Variants in CMIP observed in about 807,000 individuals in gnomAD.
CMIP encodes the protein c-Maf inducing protein.
CMIP carries 13 observed loss-of-function variants against 97.3 expected under a neutral mutation model. That is an observed-to-expected ratio of 0.13 (90% CI 0.09 to 0.21). The LOEUF (loss-of-function observed/expected upper bound fraction) is 0.21. CMIP is among the 10% of genes least tolerant of loss of function. The probability of loss-of-function intolerance (pLI) is 1.00; values close to 1 mark genes in which losing one functional copy is unlikely to be tolerated. For missense variants in CMIP, 847 were observed against 1,024.9 expected, an observed-to-expected ratio of 0.83 and a Z score of 2.37; for synonymous variants, 538 against 436.3, an observed-to-expected ratio of 1.23 and a Z score of -2.91.
At chr16:81,669,040 C>T (rs1199198422) in intron 7 of CMIP, among the ~76,000 whole-genome samples, 2 of 148,312 alleles carry the variant, frequency 1.3e-5, no homozygotes, top group Non-Finnish European at 3.0e-5. Context: ...ACACCCACCA[C>T]ACTCTCCTCC....
In CMIP at chr16:81,621,461, G is replaced by C. The variant is rs1265427078; in HGVS notation, c.477+535G>C. On this transcript the variant is annotated intron_variant, in intron 3 of 20. Transcript: ENST00000537098. This position sits in a 1 kb window ranked among gnomAD's most constrained non-coding sequence, Gnocchi z 4.1. ...GGAACTTCATCTTCTTGGAGACCCA[G>C]GGGCAGATCTTCTAAGAGGGGTCCC... 1 of 153,950 alleles carries C rather than the reference G, an allele frequency of 6.5e-6. No individual in the cohort carries two copies. Among genetic ancestry groups the C allele is most frequent in the Non-Finnish European group, 1.4e-5 (1 of 69,006 alleles). 9.5% of individuals were successfully genotyped at this position (153,950 alleles called of 1,614,324 possible).
chr16:81,709,706 A>G, intron 20 of CMIP, 40 bp from the exon 21 acceptor site: 1 of 1,610,738 alleles, frequency 6.2e-7, no homozygotes, highest in Non-Finnish European at 8.5e-7. Context: ...CTGCAAGGGA[A>G]TGGCCTACAC....
At chr16:81,659,962 C>G (rs1313204479) in intron 5 of CMIP, among the ~76,000 whole-genome samples, 1 of 152,150 alleles carries the variant, frequency 6.6e-6, no homozygotes, top group African/African-American at 2.4e-5. Context: ...TCTTATTTGC[C>G]CTATTGGCAA....
intron 5 of CMIP, among the ~76,000 whole-genome samples, chr16:81,659,874 A>G (rs1461124781): frequency 6.6e-6 from 1 of 152,174 alleles, no homozygotes; most frequent in Non-Finnish European, 1.5e-5. Context: ...CTCCCCTTCC[A>G]GCATTCTTTT....
chr16:81,576,394 ACT>A (rs1471033888), intron 1 of CMIP, among the ~76,000 whole-genome samples: 1 of 152,004 alleles, frequency 6.6e-6, no homozygotes, highest in African/African-American at 2.4e-5. Context: ...ACAGAGCAAG[ACT>A]CTGTCTCAAA....
chr16:81,705,203 G>T (rs773271600), intron 18 of CMIP, among the ~76,000 whole-genome samples: 4 of 152,224 alleles, frequency 2.6e-5, no homozygotes, highest in African/African-American at 4.8e-5. Context: ...CACCTAGGCA[G>T]CATCTCGAAG....
chr16:81,653,261 C>A (rs1025374347), intron 4 of CMIP, among the ~76,000 whole-genome samples: 1 of 152,146 alleles, frequency 6.6e-6, no homozygotes, highest in Admixed American at 6.5e-5. Flanking sequence ...TCCTGAGTCT[C>A]CCCCGTCAAG....
intron 3 of CMIP, chr16:81,631,817 G>C (rs2092164399): frequency 6.6e-6 from 1 of 152,240 alleles, no homozygotes; most frequent in African/African-American, 2.4e-5. Context: ...CAGTCCTGTT[G>C]CGTATATGCC....
chr16:81,596,978 A>G (rs1238035065), intron 1 of CMIP, among the ~76,000 whole-genome samples: 1 of 152,102 alleles, frequency 6.6e-6, no homozygotes, highest in Non-Finnish European at 1.5e-5. Flanking sequence ...TGTGTTGTGC[A>G]TAGTTGTAGA....
Position 81,570,075 on chromosome 16 carries a change from A to G in CMIP, c.301-37492A>G, listed in dbSNP as rs952224131. ...TCTTCCTTTTCCCTCTCTCCCTTGG[A>G]GTATCAATGGGGGAAGGGGGATGGC... On this transcript the variant is annotated intron_variant, in intron 1 of 20. Coordinates refer to ENST00000537098, the MANE Select transcript of CMIP (RefSeq NM_198390.3). Among the ~76,000 whole-genome samples, 4 of 152,232 alleles carry G rather than the reference A, an allele frequency of 2.6e-5. No individual in the cohort carries two copies. The East Asian group carries it at 7.7e-4, about 29-fold the overall frequency.
At chr16:81,451,338 C>G (rs1393954613) in intron 1 of CMIP, among the ~76,000 whole-genome samples, 2 of 152,208 alleles carry the variant, frequency 1.3e-5, no homozygotes, top group East Asian at 3.9e-4. Context: ...TAAGACGTGC[C>G]TTTCACCTTC....
In CMIP at chr16:81,484,397, T is replaced by C. The variant is rs529533446; in HGVS notation, c.300+38856T>C. 4.9e-4 allele frequency among the ~76,000 whole-genome samples: 75 copies of C among 152,274 alleles called. 2 individuals carry two copies. The South Asian group carries it at 0.015, about 31-fold the overall frequency. On this transcript the variant is annotated intron_variant, in intron 1 of 20. Coordinates refer to ENST00000537098, the MANE Select transcript of CMIP (RefSeq NM_198390.3). ...CGAGGTTTGGGATGTGTGGCTGCCA[T>C]GGCAACCCGTCTCCCCGACGAAGGG...
intron 2 of CMIP, among the ~76,000 whole-genome samples, chr16:81,615,134 TA>T (rs1431234143): frequency 2.6e-5 from 4 of 151,268 alleles, no homozygotes; most frequent in African/African-American, 9.7e-5. Flanking sequence ...TGTGTGTATG[TA>T]TGTCTGTGTG....
intron 1 of CMIP, among the ~76,000 whole-genome samples, chr16:81,554,915 C>G (rs1378840715): frequency 1.3e-5 from 2 of 152,186 alleles, no homozygotes; most frequent in East Asian, 1.9e-4. Context: ...AATTGAAGCC[C>G]TGGCCGCAGG....
chr16:81,509,962 C>T (rs1212491445), intron 1 of CMIP, among the ~76,000 whole-genome samples: 1 of 152,202 alleles, frequency 6.6e-6, no homozygotes, highest in East Asian at 1.9e-4. Flanking sequence ...AGAAGTCCTG[C>T]CCCAAAGGAA....
At chr16:81,680,620 C>T (rs1216289311) in intron 10 of CMIP, among the ~76,000 whole-genome samples, 1 of 152,188 alleles carries the variant, frequency 6.6e-6, no homozygotes, top group Non-Finnish European at 1.5e-5. Context: ...ACCGCCACCC[C>T]CAGCCAAGCG....
chr16:81,642,778 C>A (rs1302457312), intron 3 of CMIP, among the ~76,000 whole-genome samples: 2 of 152,136 alleles, frequency 1.3e-5, no homozygotes, highest in Non-Finnish European at 1.5e-5. Flanking sequence ...CGCCTGTAGT[C>A]CCAGCTACTC....
chr16:81,535,249 A>G (rs947864464), intron 1 of CMIP, among the ~76,000 whole-genome samples: 11 of 152,290 alleles, frequency 7.2e-5, no homozygotes, highest in African/African-American at 2.4e-4. Flanking sequence ...CACGTGGCCC[A>G]TAATTTTTTT....
At chr16:81,623,878 A>G (rs1407623782) in intron 3 of CMIP, among the ~76,000 whole-genome samples, 3 of 152,196 alleles carry the variant, frequency 2.0e-5, no homozygotes, top group Admixed American at 6.5e-5. Context: ...ACCAAGGCTC[A>G]GAGAGATCAA....
Sources: allele counts gnomAD v4.1 joint callset (sites outside exome capture counted in the v4.1 genomes callset), GRCh38; gene constraint gnomAD v4.1.1; non-coding constraint Gnocchi (gnomAD v3.1); transcripts MANE v1.5; gene names NCBI Gene and HGNC (gene_info 2026-07-23, HGNC 2026-07-21).